PPP6R2: variants seen among roughly 807,000 people sequenced by gnomAD.
The protein encoded by PPP6R2 is protein phosphatase 6 regulatory subunit 2.
Under a neutral mutation model 100.2 loss-of-function variants are expected in PPP6R2, and 62 were observed. The ratio of observed to expected loss-of-function variants is 0.62; its 90% CI spans 0.50 to 0.76. The LOEUF is 0.76. Ranked by LOEUF, PPP6R2 falls within the 30% of genes least tolerant of loss-of-function variation. The probability of loss-of-function intolerance (pLI) is 0.00; values close to 1 mark genes in which losing one functional copy is unlikely to be tolerated. For synonymous variants in PPP6R2, 525 were observed against 514.7 expected, an observed-to-expected ratio of 1.02 and a Z score of -0.27; for missense variants, 1,142 against 1,276.3, an observed-to-expected ratio of 0.89 and a Z score of 1.60.
chr22:50,371,342 A>G (rs2050161789), intron 1 of PPP6R2, among the ~76,000 whole-genome samples: 1 of 152,078 alleles, frequency 6.6e-6, no homozygotes, highest in Non-Finnish European at 1.5e-5. Flanking sequence ...GTGACCTCCC[A>G]GAAAAGGAAG....
chr22:50,427,898 T>TTTG (rs1411282781), intron 10 of PPP6R2, among the ~76,000 whole-genome samples: 1 of 152,192 alleles, frequency 6.6e-6, no homozygotes, highest in Non-Finnish European at 1.5e-5. Flanking sequence ...TTTTTTGTAT[T>TTTG]TTTAGTAGAG....
chr22:50,335,715 A>C, the PPP6R2 span, among the ~76,000 whole-genome samples: 1 of 122,714 alleles, frequency 8.1e-6, no homozygotes, highest in South Asian at 2.8e-4. Flanking sequence ...TCGCTCTGTC[A>C]CCCAGGCTTG....
chr22:50,356,292 C>G (rs77549310), intron 1 of PPP6R2, among the ~76,000 whole-genome samples: 1,644 of 150,392 alleles, frequency 0.011, 23 homozygotes, highest in East Asian at 0.062. Flanking sequence ...ACAGAATGTA[C>G]AGTCTATTTT....
intron 1 of PPP6R2, among the ~76,000 whole-genome samples, chr22:50,364,299 A>G (rs746724472): frequency 1.8e-4 from 27 of 152,168 alleles, no homozygotes; most frequent in Admixed American, 6.6e-5. Context: ...TACTTGAAAT[A>G]TGTATTTAAA....
At chr22:50,443,130 A>G (rs1339811601) in intron 22 of PPP6R2, 1 of 152,198 alleles carries the variant, frequency 6.6e-6, no homozygotes, top group East Asian at 1.9e-4. Flanking sequence ...CCTGCGCATG[A>G]GAGAGACTGA....
In PPP6R2 at chr22:50,431,205, T is replaced by C. The variant is rs1399048044; in HGVS notation, c.1158T>C (p.Phe386=). Residue 386 remains phenylalanine (F), a synonymous_variant, in exon 11 of 24, where the codon TTT becomes TTC. Transcript: ENST00000612753. This position sits in a 1 kb window ranked among gnomAD's most constrained non-coding sequence, Gnocchi z 4.8. ...TCTTTAAGTACACCTGGAATAACTTTTTGCACTTCCAAGTGGAACTATGCA... is the reference window on the plus strand; with the variant it reads ...TCTTTAAGTACACCTGGAATAACTTCTTGCACTTCCAAGTGGAACTATGCA... ...DLFFKYTWNN[F]LHFQVELCIA... is the part of the protein sequence containing the mutation. 3.1e-6 allele frequency: 5 copies of C among 1,613,518 alleles called. 1 individual carries two copies. The highest frequency in any genetic ancestry group is 2.2e-5 in the South Asian group (2 of 91,082).
At position 50,431,879 on chromosome 22, in the gene PPP6R2, T is replaced by C. The variant is rs942007307; in HGVS notation, c.1336-386T>C. On this transcript the variant is annotated intron_variant, in intron 11 of 23. Coordinates refer to ENST00000612753, the MANE Select transcript of PPP6R2 (RefSeq NM_001242898.2). The surrounding 1 kb of genome is among the most constrained non-coding windows in gnomAD (Gnocchi z 4.8). The stretch of plus-strand genomic sequence containing the variant: ...AGGGCCTGGAGGTGAGAGAAAGTGC[T>C]GAGGGCAGACAGCCCTAGTCGTTCT... Among the ~76,000 whole-genome samples, 1 of 152,024 alleles carries C rather than the reference T, an allele frequency of 6.6e-6. No homozygotes were observed. Among genetic ancestry groups the C allele is most frequent in the African/African-American group, 2.4e-5 (1 of 41,378 alleles).
intron 10 of PPP6R2, among the ~76,000 whole-genome samples, chr22:50,428,354 C>G (rs1014582310): frequency 6.6e-6 from 1 of 152,142 alleles, no homozygotes; most frequent in Non-Finnish European, 1.5e-5. Flanking sequence ...TATTCTAGAA[C>G]TTTGCTGAAT....
intron 3 of PPP6R2, among the ~76,000 whole-genome samples, chr22:50,395,395 G>C (rs893701613): frequency 6.6e-6 from 1 of 152,070 alleles, no homozygotes; most frequent in African/African-American, 2.4e-5. Flanking sequence ...GGGCGGAGCT[G>C]GCCTCCAGCT....
chr22:50,405,481 G>T (rs867974122), intron 3 of PPP6R2, among the ~76,000 whole-genome samples: 15 of 119,518 alleles, frequency 1.3e-4, no homozygotes, highest in Admixed American at 3.4e-4. Context: ...GGAGAGAGGC[G>T]AGAGGCCTGG....
chr22:50,346,583 C>T (rs1380119858), intron 1 of PPP6R2, among the ~76,000 whole-genome samples: 1 of 137,552 alleles, frequency 7.3e-6, no homozygotes, highest in East Asian at 2.2e-4. Flanking sequence ...GTCAGTGTCC[C>T]CTGCTAGCTA....
intron 15 of PPP6R2, 31 bp downstream of exon 15, chr22:50,437,099 C>T (rs1010011937): frequency 1.4e-5 from 21 of 1,538,494 alleles, no homozygotes; most frequent in East Asian, 9.8e-5. Flanking sequence ...TGCACCCTGC[C>T]GGGCCCTTCC....
At chr22:50,338,692 G>GTTA (rs2042331900), upstream of PPP6R2, among the ~76,000 whole-genome samples, 1 of 147,124 alleles carries the variant, frequency 6.8e-6, no homozygotes, top group African/African-American at 2.5e-5. Context: ...TATGTGGTGT[G>GTTA]TGTGGTGTGT....
In PPP6R2 at chr22:50,418,980, G is replaced by T; in HGVS notation, c.731+1G>T. ...ACCCGCTCCTCACAGCGCTGGAGTC[G>T]TGAGTGCTGGTGGGCCGTGGTGCTG... On this transcript the variant is annotated splice_donor_variant, in intron 7 of 23. Transcript: ENST00000612753. LOFTEE classifies it high-confidence loss of function. 6.2e-7 allele frequency: 1 copy of T among 1,609,200 alleles called. No homozygotes were observed. The highest frequency in any genetic ancestry group is 8.5e-7 in the Non-Finnish European group (1 of 1,175,710).
intron 10 of PPP6R2, among the ~76,000 whole-genome samples, chr22:50,428,847 TAAGAG>T (rs1351876883): frequency 2.6e-5 from 4 of 152,202 alleles, no homozygotes; most frequent in Non-Finnish European, 2.9e-5. Flanking sequence ...CTGGGACTGC[TAAGAG>T]AAGACCGAAT....
chr22:50,393,628 G>A, intron 2 of PPP6R2: 1 of 953,332 alleles, frequency 1.0e-6, no homozygotes, highest in African/African-American at 1.8e-5. Flanking sequence ...CCTCAGAGCT[G>A]TTGAGCAGCT....
At chr22:50,359,034 C>G (rs995310828) in intron 1 of PPP6R2, among the ~76,000 whole-genome samples, 3 of 127,740 alleles carry the variant, frequency 2.3e-5, no homozygotes, top group Admixed American at 9.2e-5. Context: ...GGAGTCTCAC[C>G]CTATTGCCAG....
intron 12 of PPP6R2, among the ~76,000 whole-genome samples, chr22:50,434,586 G>C (rs2063786058): frequency 1.0e-5 from 1 of 98,532 alleles, no homozygotes; most frequent in Non-Finnish European, 2.0e-5. Context: ...ACCTGGAGGA[G>C]GGCCGGGGGC....
rs377238934 is a variant in PPP6R2, at chr22:50,405,148, G to C, written c.228-1541G>C. On this transcript the variant is annotated intron_variant, in intron 3 of 23. Coordinates refer to ENST00000612753, the MANE Select transcript of PPP6R2 (RefSeq NM_001242898.2). ...AGTGGTCTGTGTTTGTTGATGGAAGGGGCATGGCTTAGAAGGAAAGGAGAG... is the reference window on the plus strand; with the variant it reads ...AGTGGTCTGTGTTTGTTGATGGAAGCGGCATGGCTTAGAAGGAAAGGAGAG... 6.2e-4 allele frequency among the ~76,000 whole-genome samples: 94 copies of C among 152,356 alleles called. 2 individuals carry two copies. The South Asian group carries it at 0.012, about 20-fold the overall frequency.
Sources: gnomAD v4.1 joint callset for allele counts (sites outside exome capture counted in the v4.1 genomes callset) on GRCh38, gnomAD v4.1.1 for gene constraint, Gnocchi (gnomAD v3.1) non-coding constraint, MANE v1.5 for transcripts, NCBI Gene and HGNC (gene_info 2026-07-23, HGNC 2026-07-21) for gene names.